The following SGMS1 variants were observed in gnomAD, a reference collection of about 807,000 sequenced individuals.
SGMS1 encodes phosphatidylcholine:ceramide cholinephosphotransferase 1.
A neutral mutation model predicts 46.2 loss-of-function variants in SGMS1; 13 were observed. The ratio of observed to expected loss-of-function variants is 0.28; its 90% CI spans 0.18 to 0.45. SGMS1 has a LOEUF of 0.45. SGMS1 is among the 20% of genes least tolerant of loss of function. The pLI is 1.00. For missense variants in SGMS1, 324 were observed against 519.9 expected (o/e 0.62, Z 3.66); for synonymous variants, 203 against 187.8 (o/e 1.08, Z -0.66).
At chr10:50,463,722 G>A (rs1401625825) in intron 4 of SGMS1, among the ~76,000 whole-genome samples, 1 of 152,196 alleles carries the variant, frequency 6.6e-6, no homozygotes, top group African/African-American at 2.4e-5. Flanking sequence ...GATATTTGCA[G>A]ACCCCTGTTC....
intron 6 of SGMS1, among the ~76,000 whole-genome samples, chr10:50,392,753 T>C (rs1848791862): frequency 6.6e-6 from 1 of 152,156 alleles, no homozygotes; most frequent in Non-Finnish European, 1.5e-5. Context: ...ATGTCTGGGA[T>C]TTGTCTTAAA....
chr10:50,401,597 A>G (rs968060432), intron 6 of SGMS1, among the ~76,000 whole-genome samples: 1 of 152,182 alleles, frequency 6.6e-6, no homozygotes, highest in Non-Finnish European at 1.5e-5. Flanking sequence ...CAAAAGGTCT[A>G]TATGCCACCA....
chr10:50,349,057 A>C (rs986159647), intron 6 of SGMS1, among the ~76,000 whole-genome samples: 2 of 152,240 alleles, frequency 1.3e-5, no homozygotes, highest in African/African-American at 2.4e-5. Flanking sequence ...TGGCATTACA[A>C]GCATGGCAAG....
intron 6 of SGMS1, among the ~76,000 whole-genome samples, chr10:50,390,111 T>G (rs1280457499): frequency 6.6e-6 from 1 of 152,232 alleles, no homozygotes; most frequent in Non-Finnish European, 1.5e-5. Context: ...TATAAATAAT[T>G]CATTGAATAA....
At chr10:50,396,150 C>T (rs1236026912) in intron 6 of SGMS1, among the ~76,000 whole-genome samples, 1 of 152,102 alleles carries the variant, frequency 6.6e-6, no homozygotes, top group Non-Finnish European at 1.5e-5. Context: ...TGAAATCTTG[C>T]CCTCCTTTTA....
At chr10:50,506,309 A>C (rs1162631967) in intron 3 of SGMS1, among the ~76,000 whole-genome samples, 1 of 152,146 alleles carries the variant, frequency 6.6e-6, no homozygotes, top group African/African-American at 2.4e-5. Flanking sequence ...TATTGATTGT[A>C]CTCATTTTTG....
chr10:50,393,647 C>T (rs1260066872), intron 6 of SGMS1, among the ~76,000 whole-genome samples: 2 of 152,174 alleles, frequency 1.3e-5, no homozygotes, highest in African/African-American at 2.4e-5. Context: ...ACCCACTGAT[C>T]CCCAGGGCTG....
intron 8 of SGMS1, among the ~76,000 whole-genome samples, chr10:50,317,449 C>T (rs1282455931): frequency 3.3e-5 from 5 of 152,148 alleles, no homozygotes. Flanking sequence ...AAAAGAGTGG[C>T]TTACCGACCA....
At chr10:50,336,907 C>T (rs1564879271) in intron 7 of SGMS1, among the ~76,000 whole-genome samples, 1 of 152,132 alleles carries the variant, frequency 6.6e-6, no homozygotes, top group Non-Finnish European at 1.5e-5. Context: ...TGGAACCTGC[C>T]TCTTGAATAG....
chr10:50,534,873 C>T (rs1009591780), intron 2 of SGMS1, among the ~76,000 whole-genome samples: 1 of 152,174 alleles, frequency 6.6e-6, no homozygotes, highest in African/African-American at 2.4e-5. Flanking sequence ...CACAGCAACT[C>T]AAACAGTTTC....
chr10:50,495,224 T>A (rs1168420623), intron 3 of SGMS1, among the ~76,000 whole-genome samples: 3 of 101,004 alleles, frequency 3.0e-5, no homozygotes, highest in Non-Finnish European at 5.4e-5. Flanking sequence ...GGCAGCAGAG[T>A]GAAGATTCCG....
At chr10:50,474,612 C>T (rs1051437824) in intron 3 of SGMS1, among the ~76,000 whole-genome samples, 4 of 152,112 alleles carry the variant, frequency 2.6e-5, no homozygotes, top group African/African-American at 9.7e-5. Flanking sequence ...TGAGTCAGTT[C>T]ATAGGCTATC....
chr10:50,366,693 T>C (rs1848351414), intron 6 of SGMS1, among the ~76,000 whole-genome samples: 1 of 151,576 alleles, frequency 6.6e-6, no homozygotes, highest in African/African-American at 2.4e-5. Flanking sequence ...CAGCAAACTA[T>C]CAGAAGATCA....
intron 6 of SGMS1, among the ~76,000 whole-genome samples, chr10:50,366,483 G>A (rs1006850776): frequency 9.2e-5 from 14 of 152,074 alleles, no homozygotes; most frequent in African/African-American, 3.4e-4. Flanking sequence ...ATCATTCTAC[G>A]ATAAAGACAC....
intron 6 of SGMS1, among the ~76,000 whole-genome samples, chr10:50,432,064 A>G (rs959733868): frequency 6.6e-6 from 1 of 152,190 alleles, no homozygotes; most frequent in Non-Finnish European, 1.5e-5. Flanking sequence ...TTATTCATCA[A>G]ATGAAACTCT....
chr10:50,319,260 C>T (rs1847402191), intron 8 of SGMS1, among the ~76,000 whole-genome samples: 2 of 151,726 alleles, frequency 1.3e-5, no homozygotes, highest in African/African-American at 4.8e-5. Flanking sequence ...TTCATTTTGG[C>T]TCATTAATTA....
intron 2 of SGMS1, among the ~76,000 whole-genome samples, chr10:50,549,811 A>G (rs1588874054): frequency 6.6e-6 from 1 of 152,230 alleles, no homozygotes; most frequent in East Asian, 1.9e-4. Context: ...AGGTTTATGC[A>G]AAAGAAATGA....
At chr10:50,533,438 T>C (rs766170418) in intron 2 of SGMS1, among the ~76,000 whole-genome samples, 6 of 152,318 alleles carry the variant, frequency 3.9e-5, no homozygotes, top group Middle Eastern at 3.4e-3. Flanking sequence ...AAAGCACTCA[T>C]GAATATTGGT....
chr10:50,534,070 A>G (rs1047019707), intron 2 of SGMS1, among the ~76,000 whole-genome samples: 9 of 152,188 alleles, frequency 5.9e-5, no homozygotes, highest in Non-Finnish European at 1.3e-4. Context: ...CCCAAAATAT[A>G]TAGAATGTAA....
Sources: allele counts gnomAD v4.1 joint callset (sites outside exome capture counted in the v4.1 genomes callset), GRCh38; gene constraint gnomAD v4.1.1; transcripts MANE v1.5; gene names NCBI Gene and HGNC (gene_info 2026-07-23, HGNC 2026-07-21).